GRID2: variants seen among roughly 807,000 people sequenced by gnomAD.
GRID2 encodes the protein glutamate receptor ionotropic, delta-2.
In GRID2, 33 loss-of-function variants were observed where a neutral mutation model predicts 114.8. The ratio of observed to expected loss-of-function variants is 0.29; its 90% CI spans 0.22 to 0.38. The LOEUF (loss-of-function observed/expected upper bound fraction) is 0.38, where lower values mean the gene tolerates loss of function less well. GRID2 is among the 10% of genes least tolerant of loss of function. The pLI is 1.00. For missense variants in GRID2, 1,184 were observed against 1,257.7 expected (o/e 0.94, Z 0.89); for synonymous variants, 505 against 449.9 (o/e 1.12, Z -1.55).
rs535508376 is a variant in GRID2 at position 93,160,766 on chromosome 4, T to G, written c.736-46638T>G. 1.4e-4 allele frequency among the ~76,000 whole-genome samples: 22 copies of G among 151,810 alleles called. No individual in the cohort carries two copies. In the South Asian group the frequency reaches 4.1e-3, roughly 29 times the overall value. On this transcript the variant is annotated intron_variant, in intron 4 of 15. Transcript: ENST00000282020. Reference sequence around the variant, plus strand: ...GTAAATTGTGGGCTCATAAGTAAATTGATATTAGTGTGGATCATAAGCCAG... The same window carrying G: ...GTAAATTGTGGGCTCATAAGTAAATGGATATTAGTGTGGATCATAAGCCAG...
chr4:92,437,316 G>A (rs1211930775), intron 1 of GRID2, among the ~76,000 whole-genome samples: 3 of 152,174 alleles, frequency 2.0e-5, no homozygotes, highest in Non-Finnish European at 4.4e-5. Context: ...TTCTCGCCCT[G>A]TAGCCCAGCC....
intron 7 of GRID2, among the ~76,000 whole-genome samples, chr4:93,228,501 G>T (rs2149497200): frequency 6.6e-6 from 1 of 152,240 alleles, no homozygotes; most frequent in African/African-American, 2.4e-5. Context: ...CCATAGTAAT[G>T]CTGTGTCTTC....
At chr4:92,959,028 T>A (rs530655145) in intron 2 of GRID2, among the ~76,000 whole-genome samples, 4 of 151,756 alleles carry the variant, frequency 2.6e-5, no homozygotes, top group Admixed American at 2.6e-4. Context: ...TTCTTTCATT[T>A]CTGATGTTAG....
chr4:92,505,967 A>G (rs1579484391), intron 1 of GRID2, among the ~76,000 whole-genome samples: 1 of 152,008 alleles, frequency 6.6e-6, no homozygotes, highest in African/African-American at 2.4e-5. Context: ...AGATACTTCA[A>G]TCAACATTAA....
chr4:92,635,362 A>G (rs1731018418), intron 2 of GRID2, among the ~76,000 whole-genome samples: 1 of 151,968 alleles, frequency 6.6e-6, no homozygotes, highest in Non-Finnish European at 1.5e-5. Flanking sequence ...TGTAACTTAG[A>G]TATATTTGCT....
intron 10 of GRID2, among the ~76,000 whole-genome samples, chr4:93,432,875 A>G (rs1379798662): frequency 6.6e-6 from 1 of 152,092 alleles, no homozygotes; most frequent in Non-Finnish European, 1.5e-5. Context: ...CAATCTGAGC[A>G]ACATAGAGAG....
At chr4:93,062,843 A>G (rs965692797) in intron 2 of GRID2, among the ~76,000 whole-genome samples, 6 of 152,042 alleles carry the variant, frequency 3.9e-5, no homozygotes, top group African/African-American at 2.4e-5. Flanking sequence ...CTAAAATAGT[A>G]TAAGAATTGT....
Position 92,827,975 on chromosome 4 carries a change from T to C in GRID2, c.244+237689T>C, listed in dbSNP as rs116825185. 9.9e-3 allele frequency among the ~76,000 whole-genome samples: 1,510 copies of C among 152,130 alleles called. 19 individuals carry two copies. Among genetic ancestry groups the C allele is most frequent in the African/African-American group, 0.035 (1,441 of 41,532 alleles). Reference sequence around the variant, plus strand: ...AATGTTGAGAATGTCAAAATATATCTCCACAAATGATCAGATTAATAGATA... The same window carrying C: ...AATGTTGAGAATGTCAAAATATATCCCCACAAATGATCAGATTAATAGATA... On this transcript the variant is annotated intron_variant, in intron 2 of 15. Transcript: ENST00000282020.
At chr4:93,162,056 G>T (rs1048043061) in intron 4 of GRID2, among the ~76,000 whole-genome samples, 13 of 151,458 alleles carry the variant, frequency 8.6e-5, no homozygotes, top group Admixed American at 5.3e-4. Flanking sequence ...CATTTCTTTG[G>T]AACAGGCCAG....
intron 2 of GRID2, among the ~76,000 whole-genome samples, chr4:92,922,155 G>T (rs750309483): frequency 1.3e-5 from 2 of 152,222 alleles, no homozygotes; most frequent in Non-Finnish European, 2.9e-5. Context: ...CCAGGTGCGG[G>T]ATATAATCTC....
Position 93,621,534 on chromosome 4 carries a change from T to G in GRID2, c.2194-4735T>G, listed in dbSNP as rs76803521. Among the ~76,000 whole-genome samples the G allele has an allele frequency of 3.0e-4, 46 of 152,306 alleles. No individual in the cohort carries two copies. The East Asian group carries it at 7.5e-3, about 25-fold the overall frequency. On this transcript the variant is annotated intron_variant, in intron 13 of 15. Coordinates refer to ENST00000282020, the MANE Select transcript of GRID2 (RefSeq NM_001510.4). ...TTCAGTTGCCTGTCTAAACATGGCC[T>G]CAAGAACAGGGCTAGTTGAAAAATT...
intron 13 of GRID2, among the ~76,000 whole-genome samples, chr4:93,565,869 G>A (rs188011703): frequency 3.5e-4 from 53 of 152,158 alleles, no homozygotes; most frequent in Admixed American, 3.0e-3. Flanking sequence ...ACACAATCAC[G>A]CACATGCACA....
chr4:92,884,833 T>C, intron 2 of GRID2: 1 of 362,272 alleles, frequency 2.8e-6, no homozygotes, highest in South Asian at 2.4e-5. Context: ...TAATGCTTTA[T>C]GTGAAAAGAA....
chr4:92,956,256 T>C (rs536059567), intron 2 of GRID2, among the ~76,000 whole-genome samples: 116 of 152,302 alleles, frequency 7.6e-4, no homozygotes, highest in African/African-American at 2.7e-3. Flanking sequence ...GGGTTCACAG[T>C]TAAAGTTAGA....
chr4:93,710,990 C>G (rs1004759189), intron 14 of GRID2, among the ~76,000 whole-genome samples: 2 of 152,044 alleles, frequency 1.3e-5, no homozygotes, highest in Non-Finnish European at 2.9e-5. Context: ...AGCAGGTTCC[C>G]TTCTCACCCA....
At chr4:92,911,975 C>T (rs1314997391) in intron 2 of GRID2, among the ~76,000 whole-genome samples, 1 of 151,562 alleles carries the variant, frequency 6.6e-6, no homozygotes, top group African/African-American at 2.4e-5. Context: ...CATAAAGATG[C>T]CTACTTTATC....
chr4:92,376,695 C>T (rs888592841), intron 1 of GRID2, among the ~76,000 whole-genome samples: 1 of 152,126 alleles, frequency 6.6e-6, no homozygotes, highest in Non-Finnish European at 1.5e-5. Flanking sequence ...CAGGCATTTC[C>T]ATACATCCTC....
intron 1 of GRID2, among the ~76,000 whole-genome samples, chr4:92,399,665 C>CTATA (rs70940884): frequency 8.2e-5 from 11 of 133,906 alleles, no homozygotes; most frequent in South Asian, 2.3e-4. Flanking sequence ...CTCTCTCTCT[C>CTATA]TATATATATA....
At chr4:93,094,045 G>A (rs1323978062) in intron 3 of GRID2, among the ~76,000 whole-genome samples, 1 of 151,894 alleles carries the variant, frequency 6.6e-6, no homozygotes, top group Non-Finnish European at 1.5e-5. Flanking sequence ...TTTGATAGTT[G>A]AAGGAATATC....
Sources: gnomAD v4.1 joint callset for allele counts (sites outside exome capture counted in the v4.1 genomes callset) on GRCh38, gnomAD v4.1.1 for gene constraint, MANE v1.5 for transcripts, NCBI Gene and HGNC (gene_info 2026-07-23, HGNC 2026-07-21) for gene names.